The following GPR161 variants were observed in gnomAD, a reference collection of about 807,000 sequenced individuals.
The protein encoded by GPR161 is G protein-coupled receptor 161, also known as G-protein coupled receptor RE2.
Under a neutral mutation model 39.2 loss-of-function variants are expected in GPR161, and 25 were observed. The observed-to-expected ratio is 0.64, with a 90% CI of 0.47 to 0.89. The LOEUF is 0.89. GPR161 is among the 40% of genes least tolerant of loss of function. The pLI is 0.00. For synonymous variants in GPR161, 286 were observed against 276.6 expected (o/e 1.03, Z -0.34); for missense variants, 547 against 677.8 (o/e 0.81, Z 2.14).
At chr1:168,086,661 C>G (rs186422934) in intron 5 of GPR161, among the ~76,000 whole-genome samples, 6 of 152,278 alleles carry the variant, frequency 3.9e-5, no homozygotes, top group Admixed American at 3.9e-4. Context: ...TGTGGCCCTA[C>G]GTGGGCTGGG....
intron 1 of GPR161, among the ~76,000 whole-genome samples, chr1:168,112,621 C>A (rs562804929): frequency 4.9e-4 from 75 of 151,850 alleles, no homozygotes; most frequent in African/African-American, 1.7e-3. Context: ...ACTTTGTGGG[C>A]CGAGGTGGGC....
In GPR161 at chr1:168,084,654, G is replaced by A. The variant is rs1694302488; in HGVS notation, c.*877C>T. On this transcript the variant is annotated 3_prime_UTR_variant, in exon 6 of 6. Coordinates refer to ENST00000682931, the MANE Select transcript of GPR161 (RefSeq NM_001375883.1). ...ATCACACATAGAATCTATTTAATGA[G>A]GCTTTCCCATGTGAACAAATTCCCT... 2.7e-6 allele frequency: 1 copy of A among 366,736 alleles called. No individual in the cohort carries two copies. Among genetic ancestry groups the A allele is most frequent in the South Asian group, 2.1e-5 (1 of 47,788 alleles). The allele number at this position is 366,736 out of a possible 1,614,324, so 22.7% of individuals were successfully genotyped here. A position where few individuals can be genotyped will look rare whatever the true frequency, so the allele number is the denominator to read the frequency against.
chr1:168,097,207 C>G lies in GPR161; in HGVS notation c.400G>C (p.Val134Leu), dbSNP rs766182417. Reference protein sequence around the residue: ...DRYYAVLYPMVYPMKITGNRA... With the variant: ...DRYYAVLYPMLYPMKITGNRA... ...TTCCCTGTGATCTTCATGGGGTACA[C>G]CATGGGGTACAGGACAGCATAGTAG... is the stretch of plus-strand genomic sequence containing the variant. Residue 134 changes from valine (V) to leucine (L), a missense_variant, in exon 3 of 6, where the codon GTG (valine) becomes CTG (leucine). By Grantham distance (32) the Val-to-Leu change is conservative (BLOSUM62 1). Transcript: ENST00000682931. 6.2e-7 allele frequency: 1 copy of G among 1,613,496 alleles called. No homozygotes were observed. The highest frequency in any genetic ancestry group is 2.2e-5 in the East Asian group (1 of 44,862).
At chr1:168,107,429 C>T (rs59701153) in intron 1 of GPR161, among the ~76,000 whole-genome samples, 1 of 152,122 alleles carries the variant, frequency 6.6e-6, no homozygotes, top group African/African-American at 2.4e-5. Context: ...TGGGTTATCA[C>T]GCAGTGGGAC....
At chr1:168,115,985 G>A (rs997910744) in intron 1 of GPR161, among the ~76,000 whole-genome samples, 2 of 151,976 alleles carry the variant, frequency 1.3e-5, no homozygotes, top group Non-Finnish European at 2.9e-5. Context: ...CACTGTGTTA[G>A]CCAGGATGGT....
Position 168,087,722 on chromosome 1 carries a change from T to C in GPR161, c.1205-18A>G, listed in dbSNP as rs1271431517. ...ATCTGTCCCTAAAACAACGGGCAGA[T>C]TGTGCATATGTAACTACAATCTAAA... is the stretch of plus-strand genomic sequence containing the variant. On this transcript the variant is annotated intron_variant, in intron 4 of 5. Coordinates refer to ENST00000682931, the MANE Select transcript of GPR161 (RefSeq NM_001375883.1). 7 of 1,601,900 alleles carry C rather than the reference T, an allele frequency of 4.4e-6. No homozygotes were observed. The highest frequency in any genetic ancestry group is 3.4e-5 in the Admixed American group (2 of 59,146).
chr1:168,099,394 G>T lies in GPR161; in HGVS notation c.375-2162C>A, dbSNP rs1027219749. 3.3e-5 allele frequency among the ~76,000 whole-genome samples: 5 copies of T among 152,212 alleles called. No homozygotes were observed. The South Asian group carries it at 1.0e-3, about 32-fold the overall frequency. ...CTATCCCTTTAAAGAGCACACAGACGCTCCACCCTGTCACCTCGGTAGTGT... is the reference window on the plus strand; with the variant it reads ...CTATCCCTTTAAAGAGCACACAGACTCTCCACCCTGTCACCTCGGTAGTGT... On this transcript the variant is annotated intron_variant, in intron 2 of 5. Coordinates refer to ENST00000682931, the MANE Select transcript of GPR161 (RefSeq NM_001375883.1).
chr1:168,109,695 A>G (rs1286881369), intron 1 of GPR161, among the ~76,000 whole-genome samples: 1 of 152,196 alleles, frequency 6.6e-6, no homozygotes, highest in African/African-American at 2.4e-5. Flanking sequence ...GGCCAGGTGC[A>G]GTGGCTGATG....
intron 1 of GPR161, among the ~76,000 whole-genome samples, chr1:168,109,252 T>C (rs1380780659): frequency 6.6e-6 from 1 of 152,170 alleles, no homozygotes; most frequent in Non-Finnish European, 1.5e-5. Context: ...GTTTCTTATT[T>C]CAAATGCACA....
intron 1 of GPR161, among the ~76,000 whole-genome samples, chr1:168,134,303 T>C (rs1025965054): frequency 6.6e-6 from 1 of 152,234 alleles, no homozygotes; most frequent in African/African-American, 2.4e-5. Context: ...TTGCCATGAA[T>C]GCTATCCTCT....
At chr1:168,122,385 T>C (rs1264296441) in intron 1 of GPR161, among the ~76,000 whole-genome samples, 1 of 152,188 alleles carries the variant, frequency 6.6e-6, no homozygotes, top group African/African-American at 2.4e-5. Flanking sequence ...TCTGGATTAT[T>C]AAAATAGCTT....
chr1:168,121,028 C>T (rs1698121154), intron 1 of GPR161, among the ~76,000 whole-genome samples: 1 of 152,140 alleles, frequency 6.6e-6, no homozygotes, highest in South Asian at 2.1e-4. Context: ...ATCTAGGCAT[C>T]TTCTGTTTAA....
chr1:168,097,817 G>A (rs745742929), intron 2 of GPR161, among the ~76,000 whole-genome samples: 2 of 152,094 alleles, frequency 1.3e-5, no homozygotes, highest in South Asian at 2.1e-4. Flanking sequence ...TGTGAGCAGC[G>A]GATATGTCAT....
intron 2 of GPR161, among the ~76,000 whole-genome samples, chr1:168,100,133 A>G (rs1695954248): frequency 1.4e-5 from 2 of 147,826 alleles, no homozygotes; most frequent in South Asian, 2.2e-4. Context: ...ACTTGGGCCC[A>G]GGAGGTCAAG....
intron 2 of GPR161, 26 bp downstream of exon 2, chr1:168,104,451 A>G (rs1038378795): frequency 6.3e-7 from 1 of 1,590,792 alleles, no homozygotes; most frequent in Non-Finnish European, 8.6e-7. Flanking sequence ...TAATCCCTCA[A>G]TTCTCTAAGT....
intron 1 of GPR161, among the ~76,000 whole-genome samples, chr1:168,109,902 G>A (rs1222001128): frequency 6.6e-6 from 1 of 152,090 alleles, no homozygotes; most frequent in East Asian, 1.9e-4. Context: ...GGAGGCAGAG[G>A]TTGCAATGAG....
chr1:168,104,456 C>T (rs767411193), intron 2 of GPR161, 21 bp downstream of exon 2: 2 of 1,598,810 alleles, frequency 1.3e-6, no homozygotes, highest in Non-Finnish European at 1.7e-6. Flanking sequence ...CCTCAATTCT[C>T]TAAGTCTGAG....
At chr1:168,131,795 T>C (rs1406409292) in intron 1 of GPR161, among the ~76,000 whole-genome samples, 2 of 152,148 alleles carry the variant, frequency 1.3e-5, no homozygotes, top group Admixed American at 6.5e-5. Context: ...GACATAAAGA[T>C]GTTTGATTTA....
Position 168,079,957 on chromosome 1 carries a change from T to C in GPR161, c.*5574A>G, listed in dbSNP as rs951224901. The C allele has an allele frequency of 6.6e-6, 1 of 152,230 alleles. No homozygotes were observed. The highest frequency in any genetic ancestry group is 1.5e-5 in the Non-Finnish European group (1 of 68,036). 9.4% of individuals were successfully genotyped at this position (152,230 alleles called of 1,614,324 possible). On this transcript the variant is annotated 3_prime_UTR_variant, in exon 6 of 6. Coordinates refer to ENST00000682931, the MANE Select transcript of GPR161 (RefSeq NM_001375883.1). ...CATTTGATTCCTAAGCTATTACTAC[T>C]ACCCAGGAAAATGCTTGCTGAGAGA... is the stretch of plus-strand genomic sequence containing the variant.
Sources: gnomAD v4.1 joint callset for allele counts (sites outside exome capture counted in the v4.1 genomes callset) on GRCh38, gnomAD v4.1.1 for gene constraint, MANE v1.5 for transcripts, NCBI Gene and HGNC (gene_info 2026-07-23, HGNC 2026-07-21) for gene names.